Variants in ITGBL1 observed in about 807,000 individuals in gnomAD.
ITGBL1 encodes the protein integrin beta-like protein 1.
A neutral mutation model predicts 68.5 loss-of-function variants in ITGBL1; 51 were observed. That is an observed-to-expected ratio of 0.74 (90% CI 0.59 to 0.94). The LOEUF is 0.94. Ranked by LOEUF, ITGBL1 falls within the 40% of genes least tolerant of loss-of-function variation. The pLI is 0.00. For missense variants in ITGBL1, 649 were observed against 647.4 expected (o/e 1.00, Z -0.03); for synonymous variants, 209 against 227.3 (o/e 0.92, Z 0.72).
chr13:101,549,066 C>T (rs1300559594), intron 2 of ITGBL1, among the ~76,000 whole-genome samples: 2 of 151,660 alleles, frequency 1.3e-5, no homozygotes, highest in South Asian at 2.1e-4. Flanking sequence ...CAGCAGATAT[C>T]AACATAAGAT....
chr13:101,476,598 C>A (rs1444449279), intron 2 of ITGBL1, among the ~76,000 whole-genome samples: 1 of 151,850 alleles, frequency 6.6e-6, no homozygotes, highest in Non-Finnish European at 1.5e-5. Context: ...AACATTTGCC[C>A]ACAACTAACA....
chr13:101,569,055 CA>C, intron 3 of ITGBL1, among the ~76,000 whole-genome samples: 1 of 150,260 alleles, frequency 6.7e-6, no homozygotes, highest in Non-Finnish European at 1.5e-5. Flanking sequence ...CACACACACA[CA>C]CACACACACA....
At chr13:101,683,832 C>A (rs1217146170) in intron 7 of ITGBL1, among the ~76,000 whole-genome samples, 1 of 151,844 alleles carries the variant, frequency 6.6e-6, no homozygotes, top group Non-Finnish European at 1.5e-5. Flanking sequence ...GGAGGAGTAT[C>A]TTTTCATATA....
At chr13:101,572,493 A>G (rs887366302) in intron 3 of ITGBL1, among the ~76,000 whole-genome samples, 6 of 152,128 alleles carry the variant, frequency 3.9e-5, no homozygotes, top group Admixed American at 6.6e-5. Flanking sequence ...TCTATTGGGC[A>G]CTATGAAAAA....
At chr13:101,507,646 T>A (rs1389103935) in intron 2 of ITGBL1, among the ~76,000 whole-genome samples, 1 of 152,192 alleles carries the variant, frequency 6.6e-6, no homozygotes, top group Non-Finnish European at 1.5e-5. Context: ...CATTTCTGGC[T>A]GGTGTTTTAA....
intron 2 of ITGBL1, among the ~76,000 whole-genome samples, chr13:101,478,592 C>A (rs534444474): frequency 6.6e-6 from 1 of 152,050 alleles, no homozygotes; most frequent in East Asian, 1.9e-4. Flanking sequence ...CCCACAGACT[C>A]CACCAAAAAA....
rs188744113 is a variant in ITGBL1 at position 101,522,163 on chromosome 13, C to T, written c.317-45536C>T. Among the ~76,000 whole-genome samples, 468 of 152,206 alleles carry T rather than the reference C, an allele frequency of 3.1e-3. 2 individuals carry two copies. The highest frequency in any genetic ancestry group is 4.5e-3 in the Non-Finnish European group (309 of 68,010). ...TGATGTCATTTAACTTTAATTATCT[C>T]CTAAAAGGCCTTGTCTCTACTTACA... On this transcript the variant is annotated intron_variant, in intron 2 of 10. Coordinates refer to ENST00000376180, the MANE Select transcript of ITGBL1 (RefSeq NM_004791.3).
chr13:101,520,018 G>A (rs981844207), intron 2 of ITGBL1, among the ~76,000 whole-genome samples: 26 of 152,214 alleles, frequency 1.7e-4, no homozygotes, highest in African/African-American at 5.3e-4. Context: ...TGAGCATGTC[G>A]ACATGCTTTT....
chr13:101,598,065 T>C lies in ITGBL1; in HGVS notation c.869-88T>C, dbSNP rs1172488724. On this transcript the variant is annotated intron_variant, in intron 6 of 10. Coordinates refer to ENST00000376180, the MANE Select transcript of ITGBL1 (RefSeq NM_004791.3). The stretch of plus-strand genomic sequence containing the variant: ...TTATGTTCATCAAGATCCTGACTCA[T>C]TTGTGACATTTGCTGTTAGAATGAA... The C allele has an allele frequency of 1.4e-5, 17 of 1,226,456 alleles. No homozygotes were observed. The East Asian group carries it at 4.2e-4, about 30-fold the overall frequency. The allele number at this position is 1,226,456 out of a possible 1,614,324, so 76.0% of individuals were successfully genotyped here.
At chr13:101,705,186 C>T (rs1028299435) in intron 8 of ITGBL1, among the ~76,000 whole-genome samples, 4 of 151,312 alleles carry the variant, frequency 2.6e-5, no homozygotes, top group African/African-American at 4.9e-5. Flanking sequence ...ATTAAAAAAC[C>T]GCTCTCCCAG....
chr13:101,566,336 G>A (rs2050183048), intron 2 of ITGBL1, among the ~76,000 whole-genome samples: 2 of 152,114 alleles, frequency 1.3e-5, no homozygotes, highest in Admixed American at 1.3e-4. Context: ...GTTGACAGGT[G>A]AGATCACTTA....
intron 7 of ITGBL1, among the ~76,000 whole-genome samples, chr13:101,638,454 G>A (rs142465850): frequency 1.3e-5 from 2 of 151,698 alleles, no homozygotes; most frequent in African/African-American, 2.4e-5. Flanking sequence ...AAAACTATTT[G>A]TATTAGCCCG....
intron 7 of ITGBL1, among the ~76,000 whole-genome samples, chr13:101,661,018 A>G (rs866953236): frequency 6.6e-6 from 1 of 152,240 alleles, no homozygotes; most frequent in Non-Finnish European, 1.5e-5. Context: ...AATTAAAGAA[A>G]TATGAAACAG....
chr13:101,715,660 A>T lies in ITGBL1; in HGVS notation c.*6A>T. On this transcript the variant is annotated 3_prime_UTR_variant, in exon 11 of 11. Coordinates refer to ENST00000376180, the MANE Select transcript of ITGBL1 (RefSeq NM_004791.3). ...TTGGCTCAGAATATCCTTAACAATT[A>T]CATGAGAGAGGTCTGGATTCTTATT... 1.3e-6 allele frequency: 2 copies of T among 1,580,008 alleles called. No individual in the cohort carries two copies. Among genetic ancestry groups the T allele is most frequent in the Non-Finnish European group, 1.7e-6 (2 of 1,149,052 alleles).
At chr13:101,544,238 A>T (rs1441085446) in intron 2 of ITGBL1, among the ~76,000 whole-genome samples, 1 of 151,994 alleles carries the variant, frequency 6.6e-6, no homozygotes, top group Non-Finnish European at 1.5e-5. Flanking sequence ...TTTGGTGTGG[A>T]TGTCCTTTCT....
chr13:101,703,353 C>G (rs1284164355), intron 8 of ITGBL1, among the ~76,000 whole-genome samples: 1 of 151,988 alleles, frequency 6.6e-6, no homozygotes, highest in Non-Finnish European at 1.5e-5. Context: ...AACATGAGGT[C>G]AGAAAAGCAT....
At chr13:101,661,984 C>G (rs72659171) in intron 7 of ITGBL1, among the ~76,000 whole-genome samples, 1 of 151,998 alleles carries the variant, frequency 6.6e-6, no homozygotes, top group East Asian at 1.9e-4. Flanking sequence ...AAAGATAATT[C>G]AAGACAAAAG....
At chr13:101,666,370 G>A (rs957012025) in intron 7 of ITGBL1, among the ~76,000 whole-genome samples, 7 of 152,082 alleles carry the variant, frequency 4.6e-5, no homozygotes, top group South Asian at 2.1e-4. Context: ...TGGTTTATCC[G>A]GTTGCCTCAA....
intron 7 of ITGBL1, among the ~76,000 whole-genome samples, chr13:101,653,728 C>T (rs986906786): frequency 5.9e-5 from 9 of 151,626 alleles, no homozygotes; most frequent in African/African-American, 9.7e-5. Flanking sequence ...CTCACTCTGT[C>T]GCCAGGCTGG....
Sources: gnomAD v4.1 joint callset for allele counts (sites outside exome capture counted in the v4.1 genomes callset) on GRCh38, gnomAD v4.1.1 for gene constraint, MANE v1.5 for transcripts, NCBI Gene and HGNC (gene_info 2026-07-23, HGNC 2026-07-21) for gene names.